TIAM2: variants seen among roughly 807,000 people sequenced by gnomAD.
TIAM2 encodes the protein TIAM Rac1 associated GEF 2, also known as rho guanine nucleotide exchange factor TIAM2.
Under a neutral mutation model 152.9 loss-of-function variants are expected in TIAM2, and 80 were observed. That is an observed-to-expected ratio of 0.52 (90% CI 0.44 to 0.63). The LOEUF is 0.63. Among genes scored for constraint, TIAM2 ranks in the 30% least tolerant of loss-of-function variants. TIAM2 has a pLI of 0.00. For missense variants in TIAM2, 1,965 were observed against 2,120.1 expected (o/e 0.93, Z 1.44); for synonymous variants, 804 against 838.0 (o/e 0.96, Z 0.70).
At chr6:155,250,027 G>T in intron 21 of TIAM2, 58 bp downstream of exon 21, 2 of 1,338,666 alleles carry the variant, frequency 1.5e-6, no homozygotes, top group South Asian at 2.6e-5. Flanking sequence ...GTCTGTAGGT[G>T]ACCTTCTAGA....
At chr6:155,066,133 G>A (rs2114945811) in intron 1 of TIAM2, among the ~76,000 whole-genome samples, 1 of 152,238 alleles carries the variant, frequency 6.6e-6, no homozygotes, top group African/African-American at 2.4e-5. Flanking sequence ...CACTGAGACG[G>A]CCGCTCTTGT....
chr6:155,046,282 C>T (rs991010901), intron 1 of TIAM2, among the ~76,000 whole-genome samples: 8 of 150,390 alleles, frequency 5.3e-5, no homozygotes, highest in Admixed American at 2.6e-4. Flanking sequence ...TAATCATTTT[C>T]CTTGTAATTT....
intron 2 of TIAM2, among the ~76,000 whole-genome samples, chr6:155,108,435 G>T (rs1778750961): frequency 6.6e-6 from 1 of 152,190 alleles, no homozygotes; most frequent in South Asian, 2.1e-4. Context: ...GCCTTCTCCG[G>T]TCACATTAAC....
intron 1 of TIAM2, among the ~76,000 whole-genome samples, chr6:155,010,814 G>A (rs1319518248): frequency 2.0e-5 from 3 of 148,972 alleles, no homozygotes; most frequent in Non-Finnish European, 4.5e-5. Context: ...TCGACCTCCT[G>A]ACCTCAGGTG....
At chr6:155,025,824 AC>A (rs1776590407) in intron 1 of TIAM2, among the ~76,000 whole-genome samples, 1 of 2,094 alleles carries the variant, frequency 4.8e-4, no homozygotes. Flanking sequence ...CCCCTCAAAC[AC>A]ACACACACAC....
chr6:155,237,595 A>G (rs185658140), intron 15 of TIAM2, among the ~76,000 whole-genome samples: 2 of 152,062 alleles, frequency 1.3e-5, no homozygotes, highest in Non-Finnish European at 1.5e-5. Flanking sequence ...AGGCATTTCC[A>G]TACATTCTCT....
At chr6:155,237,462 C>A (rs989721367) in intron 15 of TIAM2, among the ~76,000 whole-genome samples, 3 of 152,258 alleles carry the variant, frequency 2.0e-5, no homozygotes, top group Admixed American at 6.5e-5. Context: ...CACAACTCCA[C>A]TAGGCGGTGC....
chr6:155,158,218 C>G (rs963687772), intron 7 of TIAM2, among the ~76,000 whole-genome samples: 2 of 152,046 alleles, frequency 1.3e-5, no homozygotes, highest in African/African-American at 2.4e-5. Flanking sequence ...CAGGAATGTA[C>G]TTGTCATCTT....
intron 13 of TIAM2, 38 bp downstream of exon 13, chr6:155,182,356 T>A (rs1240415061): frequency 1.3e-6 from 2 of 1,535,774 alleles, no homozygotes; most frequent in South Asian, 2.2e-5. Context: ...GCCTCTTAAT[T>A]TGAAACTGTG....
At chr6:155,104,040 A>ACC (rs774902405) in intron 2 of TIAM2, among the ~76,000 whole-genome samples, 363 of 57,448 alleles carry the variant, frequency 6.3e-3, no homozygotes, top group South Asian at 7.9e-3. Flanking sequence ...ACACACACAC[A>ACC]CCCCCCCCCC....
At position 155,164,423 on chromosome 6, in the gene TIAM2, A is replaced by G. The variant is rs369529629; in HGVS notation, c.2037A>G (p.Gln679=). Residue 679 remains glutamine, a synonymous_variant, in exon 8 of 27, where the codon CAA becomes CAG. Coordinates refer to ENST00000682666, the MANE Select transcript of TIAM2 (RefSeq NM_012454.4). ...TCTGTTTTTGCTTTAAGATCCAGCA[A>G]TGGGAGCAGAATCTTGAGAAATTTC... The part of the protein sequence containing the change: ...NRKAIENQIQ[Q]WEQNLEKFHM... 72 of 1,581,608 alleles carry G rather than the reference A, an allele frequency of 4.6e-5. No homozygotes were observed. The highest frequency in any genetic ancestry group is 5.9e-5 in the Non-Finnish European group (68 of 1,156,786).
Position 155,147,295 on chromosome 6 carries a change from T to TTTTA in TIAM2, c.1804-791_1804-788dup, listed in dbSNP as rs576866696. ...GTTAAAATTCCGAAGACAAGTATCC[T>TTTTA]TTTATTTATTTATTTATTTATTTAT... is the stretch of plus-strand genomic sequence containing the variant. On this transcript the variant is annotated intron_variant, in intron 6 of 26. Transcript: ENST00000682666. Among the ~76,000 whole-genome samples, 649 of 151,740 alleles carry TTTTA rather than the reference T, an allele frequency of 4.3e-3. 3 individuals are homozygous for TTTTA. The highest frequency in any genetic ancestry group is 0.014 in the Middle Eastern group (4 of 294).
chr6:155,080,828 T>C (rs1778046084), intron 1 of TIAM2, among the ~76,000 whole-genome samples: 1 of 152,126 alleles, frequency 6.6e-6, no homozygotes, highest in East Asian at 1.9e-4. Context: ...GCTTTGGAAA[T>C]AATGCTTCCC....
chr6:154,999,302 C>T (rs1475881929), intron 1 of TIAM2, among the ~76,000 whole-genome samples: 1 of 152,042 alleles, frequency 6.6e-6, no homozygotes, highest in African/African-American at 2.4e-5. Flanking sequence ...CCTCCATCTC[C>T]TGAGTTCAAG....
chr6:155,017,798 T>C (rs941067264), intron 1 of TIAM2, among the ~76,000 whole-genome samples: 4 of 152,026 alleles, frequency 2.6e-5, no homozygotes, highest in Non-Finnish European at 5.9e-5. Context: ...CCACCACGCC[T>C]GACTCTCCCT....
intron 14 of TIAM2, among the ~76,000 whole-genome samples, chr6:155,189,349 C>CT (rs369463138): frequency 4.5e-4 from 65 of 144,966 alleles, no homozygotes; most frequent in Admixed American, 6.9e-4. Flanking sequence ...ATGAGTGGTA[C>CT]TTTTTTTTTT....
At chr6:155,179,807 T>G (rs1469322807) in intron 12 of TIAM2, among the ~76,000 whole-genome samples, 1 of 152,202 alleles carries the variant, frequency 6.6e-6, no homozygotes, top group East Asian at 1.9e-4. Context: ...CTCTAGTGTC[T>G]TTGCTCTTAG....
intron 18 of TIAM2, 191 bp downstream of exon 18, chr6:155,244,974 G>T (rs1029866170): frequency 1.7e-5 from 11 of 645,902 alleles, no homozygotes; most frequent in African/African-American, 1.7e-4. Flanking sequence ...TTTTTTTCCT[G>T]GCGCAGGTGC....
At chr6:155,248,678 T>C (rs956319213) in intron 20 of TIAM2, among the ~76,000 whole-genome samples, 1 of 152,204 alleles carries the variant, frequency 6.6e-6, no homozygotes, top group South Asian at 2.1e-4. Context: ...AAGTCGCTAC[T>C]GGTGTGTTAC....
Sources: allele counts gnomAD v4.1 joint callset (sites outside exome capture counted in the v4.1 genomes callset), GRCh38; gene constraint gnomAD v4.1.1; transcripts MANE v1.5; gene names NCBI Gene and HGNC (gene_info 2026-07-23, HGNC 2026-07-21).